RAB44: variants seen among roughly 807,000 people sequenced by gnomAD.
RAB44 encodes the protein RAB44, member RAS oncogene family.
RAB44 carries 67 observed loss-of-function variants against 93.3 expected under a neutral mutation model. The ratio of observed to expected loss-of-function variants is 0.72; its 90% CI spans 0.59 to 0.88. The LOEUF (loss-of-function observed/expected upper bound fraction) is 0.88. Ranked by LOEUF, RAB44 falls within the 40% of genes least tolerant of loss-of-function variation. RAB44 has a pLI of 0.00. For missense variants in RAB44, 1,064 were observed against 1,261.7 expected, an observed-to-expected ratio of 0.84 and a Z score of 2.37; for synonymous variants, 427 against 520.3, an observed-to-expected ratio of 0.82 and a Z score of 2.44.
At chr6:36,723,836 C>CAAAAAAAAAAAAAAAAAAAA (rs565860026) in intron 9 of RAB44, among the ~76,000 whole-genome samples, 1 of 64,624 alleles carries the variant, frequency 1.5e-5, no homozygotes, top group Non-Finnish European at 3.0e-5. Flanking sequence ...TTCCGTCTCC[C>CAAAAAAAAAAAAAAAAAAAA]AAAAAAAAAA....
At chr6:36,713,385 G>A (rs1367739960) in intron 2 of RAB44, among the ~76,000 whole-genome samples, 1 of 151,958 alleles carries the variant, frequency 6.6e-6, no homozygotes, top group Non-Finnish European at 1.5e-5. Flanking sequence ...TAGTAGAGAC[G>A]GGGTTTCACT....
At chr6:36,706,014 C>T (rs1762642107) in intron 2 of RAB44, among the ~76,000 whole-genome samples, 1 of 151,900 alleles carries the variant, frequency 6.6e-6, no homozygotes, top group Admixed American at 6.6e-5. Context: ...ATTCTCTCAC[C>T]TCAGGCTCCC....
chr6:36,708,142 G>A (rs927777729), intron 2 of RAB44, among the ~76,000 whole-genome samples: 1 of 151,880 alleles, frequency 6.6e-6, no homozygotes, highest in Non-Finnish European at 1.5e-5. Context: ...AGCCTGGGAG[G>A]TCAAGGCTGC....
chr6:36,726,922 T>G (rs1763251374), intron 10 of RAB44, among the ~76,000 whole-genome samples: 1 of 150,138 alleles, frequency 6.7e-6, no homozygotes, highest in African/African-American at 2.4e-5. Flanking sequence ...TGCCTCAGCC[T>G]CCTGAGGAGC....
At chr6:36,726,956 A>T (rs900754017) in intron 10 of RAB44, among the ~76,000 whole-genome samples, 6 of 152,128 alleles carry the variant, frequency 3.9e-5, no homozygotes, top group Non-Finnish European at 8.8e-5. Context: ...ACATACAACC[A>T]CATCCAGCTA....
At chr6:36,724,165 TTA>T (rs939224583) in intron 9 of RAB44, among the ~76,000 whole-genome samples, 8 of 151,248 alleles carry the variant, frequency 5.3e-5, no homozygotes, top group African/African-American at 1.9e-4. Flanking sequence ...ATTTATTTAT[TTA>T]TTTATTTATT....
chr6:36,731,335 T>C lies in RAB44; in HGVS notation c.2975+586T>C, dbSNP rs927027818. 5.9e-5 allele frequency among the ~76,000 whole-genome samples: 9 copies of C among 152,166 alleles called. No individual in the cohort carries two copies. Among genetic ancestry groups the C allele is most frequent in the Admixed American group, 2.0e-4 (3 of 15,286 alleles). ...CTTGACACGACACATATTAATGATA[T>C]ATGCATTTATCTGTTTTCTTGTTGT... On this transcript the variant is annotated intron_variant, in intron 13 of 13. Coordinates refer to ENST00000612677, the MANE Select transcript of RAB44 (RefSeq NM_001257357.2). This position sits in a 1 kb window ranked among gnomAD's most constrained non-coding sequence, Gnocchi z 4.0.
intron 11 of RAB44, 118 bp downstream of exon 11, chr6:36,727,809 AC>A: frequency 1.4e-6 from 1 of 709,400 alleles, no homozygotes; most frequent in Admixed American, 2.1e-5. Flanking sequence ...TATGGGTGAC[AC>A]CACCCACTGA....
In RAB44 at chr6:36,704,398, T is replaced by C. The variant is rs760581991; in HGVS notation, c.163T>C (p.Cys55Arg). 81 of 1,535,934 alleles carry C rather than the reference T, an allele frequency of 5.3e-5. No homozygotes were observed. The highest frequency in any genetic ancestry group is 3.3e-4 in the Middle Eastern group (2 of 5,982). Residue 55 changes from cysteine (C) to arginine (R), a missense_variant, in exon 2 of 14, where the codon TGT becomes CGT. Physicochemically the swap from Cys to Arg is radical, Grantham distance 180. Coordinates refer to ENST00000612677, the MANE Select transcript of RAB44 (RefSeq NM_001257357.2). ...AAELQAFFQD[C>R]GAKERGFVTR... is the part of the protein sequence containing the mutation. ...AGAACTGCAGGCCTTCTTCCAGGAC[T>C]GTGGTGCCAAGGAGAGGGGCTTTGT... is the stretch of plus-strand genomic sequence containing the variant.
chr6:36,704,734 G>A (rs1266930370), intron 2 of RAB44, among the ~76,000 whole-genome samples: 2 of 152,300 alleles, frequency 1.3e-5, no homozygotes, highest in African/African-American at 4.8e-5. Flanking sequence ...ATTTATCTTG[G>A]GAAGCAGTCA....
chr6:36,720,408 G>T lies in RAB44; in HGVS notation c.874G>T (p.Ala292Ser). 8.1e-7 allele frequency: 1 copy of T among 1,232,580 alleles called. No individual in the cohort carries two copies. Among genetic ancestry groups the T allele is most frequent in the South Asian group, 4.1e-5 (1 of 24,334 alleles). The allele number at this position is 1,232,580 out of a possible 1,614,324, so 76.4% of individuals were successfully genotyped here. The change falls in exon 8 of 14, where the codon GCC becomes TCC. Residue 292 changes from alanine (A) to serine (S), a missense_variant. Physicochemically the swap from Ala to Ser is moderately conservative, Grantham distance 99. Coordinates refer to ENST00000612677, the MANE Select transcript of RAB44 (RefSeq NM_001257357.2). ...SHLRSTHQEA[A>S]SENQQLQEAK... ...CCTCAGGAGCACACATCAGGAGGCTGCCTCAGAGAACCAGCAGCTGCAGGA... is the reference window on the plus strand; with the variant it reads ...CCTCAGGAGCACACATCAGGAGGCTTCCTCAGAGAACCAGCAGCTGCAGGA...
intron 3 of RAB44, 43 bp from the exon 4 acceptor site, chr6:36,715,436 C>T: frequency 1.3e-6 from 2 of 1,524,866 alleles, no homozygotes; most frequent in Non-Finnish European, 1.8e-6. Flanking sequence ...GGCGTCTGGG[C>T]CCAACACCAC....
chr6:36,713,135 A>G (rs545009096), intron 2 of RAB44, among the ~76,000 whole-genome samples: 55 of 152,388 alleles, frequency 3.6e-4, no homozygotes, highest in African/African-American at 1.3e-3. Flanking sequence ...AGGTAAAATC[A>G]TGACCTGTAG....
intron 1 of RAB44, among the ~76,000 whole-genome samples, chr6:36,700,106 G>C (rs10807172): frequency 0.4 from 60,493 of 152,062 alleles, 12,051 homozygotes; most frequent in East Asian, 0.46. Context: ...AGTGCTAAGA[G>C]AAAGTGAAGC....
At chr6:36,703,898 G>A (rs555168677) in intron 1 of RAB44, among the ~76,000 whole-genome samples, 5 of 152,304 alleles carry the variant, frequency 3.3e-5, no homozygotes, top group Non-Finnish European at 2.9e-5. Context: ...TTCTGCGTGC[G>A]GTGAATAGGA....
rs1205538495 is a variant in RAB44, at chr6:36,732,529, A to G, written c.*436A>G. 6.6e-6 allele frequency: 1 copy of G among 152,306 alleles called. No individual in the cohort carries two copies. The highest frequency in any genetic ancestry group is 1.5e-5 in the Non-Finnish European group (1 of 68,178). 9.4% of individuals were successfully genotyped at this position (152,306 alleles called of 1,614,324 possible). On this transcript the variant is annotated 3_prime_UTR_variant, in exon 14 of 14. Transcript: ENST00000612677. Reference sequence around the variant, plus strand: ...AAAGAGATGTGGAGGAGGAGGAGAGAAACTTCCCAAGGAGCTCCCTTGGGT... The same window carrying G: ...AAAGAGATGTGGAGGAGGAGGAGAGGAACTTCCCAAGGAGCTCCCTTGGGT...
At chr6:36,714,750 C>T (rs541892812) in intron 3 of RAB44, among the ~76,000 whole-genome samples, 2 of 152,332 alleles carry the variant, frequency 1.3e-5, no homozygotes, top group Admixed American at 1.3e-4. Flanking sequence ...GAATCATGCC[C>T]GCCACGCCAG....
chr6:36,723,753 T>C (rs1174547213), intron 9 of RAB44, among the ~76,000 whole-genome samples: 3 of 142,490 alleles, frequency 2.1e-5, no homozygotes. Context: ...GAGAATGACG[T>C]GAACCCAGGA....
rs181252859 is a variant in RAB44 at position 36,719,493 on chromosome 6, G to C, written c.829-870G>C. 5.2e-4 allele frequency among the ~76,000 whole-genome samples: 79 copies of C among 152,326 alleles called. 1 individual carries two copies. In the East Asian group the frequency reaches 0.015, roughly 29 times the overall value. ...CAGCACCAACTATGTGCCAGACACT[G>C]TTCCAGGTCCTGAGGATCATGACAG... On this transcript the variant is annotated intron_variant, in intron 7 of 13. Transcript: ENST00000612677.
Sources: allele counts gnomAD v4.1 joint callset (sites outside exome capture counted in the v4.1 genomes callset), GRCh38; gene constraint gnomAD v4.1.1; non-coding constraint Gnocchi (gnomAD v3.1); transcripts MANE v1.5; gene names NCBI Gene and HGNC (gene_info 2026-07-23, HGNC 2026-07-21).